Variants in NRXN3 observed in about 807,000 individuals in gnomAD.
The protein encoded by NRXN3 is neurexin III.
In NRXN3, 32 loss-of-function variants were observed where a neutral mutation model predicts 137.6. The ratio of observed to expected loss-of-function variants is 0.23; its 90% CI spans 0.18 to 0.31. NRXN3 has a LOEUF of 0.31. Among genes scored for constraint, NRXN3 ranks in the 10% least tolerant of loss-of-function variants. The probability of loss-of-function intolerance (pLI) is 1.00; values close to 1 mark genes in which losing one functional copy is unlikely to be tolerated. For synonymous variants in NRXN3, 798 were observed against 784.5 expected, an observed-to-expected ratio of 1.02 and a Z score of -0.29; for missense variants, 1,574 against 2,062.5, an observed-to-expected ratio of 0.76 and a Z score of 4.59.
At chr14:79,346,039 A>G (rs957030552) in intron 15 of NRXN3, among the ~76,000 whole-genome samples, 1 of 152,172 alleles carries the variant, frequency 6.6e-6, no homozygotes, top group Non-Finnish European at 1.5e-5. Context: ...AACCACAACT[A>G]TATTCCCCTA....
chr14:79,461,138 C>T (rs2096333110), intron 15 of NRXN3, among the ~76,000 whole-genome samples: 1 of 152,110 alleles, frequency 6.6e-6, no homozygotes, highest in Non-Finnish European at 1.5e-5. Flanking sequence ...TTCTCCCCTC[C>T]TTTTGGAGCT....
At chr14:79,404,379 A>T (rs2095268264) in intron 15 of NRXN3, among the ~76,000 whole-genome samples, 1 of 152,162 alleles carries the variant, frequency 6.6e-6, no homozygotes, top group Non-Finnish European at 1.5e-5. Context: ...GAATGGGTAA[A>T]TTATTTCTAC....
rs369855036 is a variant in NRXN3, at chr14:78,805,614, A to G, written c.2248+1791A>G. Among the ~76,000 whole-genome samples, 5 of 151,386 alleles carry G rather than the reference A, an allele frequency of 3.3e-5. No homozygotes were observed. In the East Asian group the frequency reaches 9.7e-4, roughly 29 times the overall value. ...AAAAAACAACAGAAAAAAAAAAAAA[A>G]CAGAACCAAATACAACCCCATAACT... On this transcript the variant is annotated intron_variant, in intron 9 of 20. Transcript: ENST00000335750.
Position 78,961,369 on chromosome 14 carries a change from C to G in NRXN3, c.2395+4008C>G, listed in dbSNP as rs71414771. 3.2e-3 allele frequency among the ~76,000 whole-genome samples: 480 copies of G among 152,154 alleles called. 1 individual carries two copies. Among genetic ancestry groups the G allele is most frequent in the Non-Finnish European group, 4.6e-3 (310 of 67,998 alleles). On this transcript the variant is annotated intron_variant, in intron 11 of 20. Coordinates refer to ENST00000335750, the MANE Select transcript of NRXN3 (RefSeq NM_001330195.2). ...ATGTCTCAAATACAAGCCCCTCCCCCCAGAAGTTAGGAATGCTGGCTGTGC... is the reference window on the plus strand; with the variant it reads ...ATGTCTCAAATACAAGCCCCTCCCCGCAGAAGTTAGGAATGCTGGCTGTGC...
Position 78,932,732 on chromosome 14 carries a change from T to C in NRXN3, c.2276-24510T>C, listed in dbSNP as rs1292769599. 2.0e-5 allele frequency among the ~76,000 whole-genome samples: 3 copies of C among 152,228 alleles called. 1 individual carries two copies. The highest frequency in any genetic ancestry group is 7.2e-5 in the African/African-American group (3 of 41,466). On this transcript the variant is annotated intron_variant, in intron 10 of 20. Coordinates refer to ENST00000335750, the MANE Select transcript of NRXN3 (RefSeq NM_001330195.2). The stretch of plus-strand genomic sequence containing the variant: ...GCATAGAATGCATGCCATTAATTCT[T>C]AGCCTTGAGGCATACCTTCTCAATA...
intron 15 of NRXN3, among the ~76,000 whole-genome samples, chr14:79,107,744 T>C (rs1028729600): frequency 2.0e-5 from 3 of 152,134 alleles, no homozygotes; most frequent in Non-Finnish European, 4.4e-5. Context: ...GCATCTACTT[T>C]CTTTTTGACT....
chr14:79,786,006 T>G (rs1402754415), intron 19 of NRXN3, among the ~76,000 whole-genome samples: 4 of 151,944 alleles, frequency 2.6e-5, no homozygotes, highest in African/African-American at 9.7e-5. Context: ...GTCCCCACCA[T>G]GAGGCAGAAT....
chr14:78,369,950 A>G (rs912214616), intron 4 of NRXN3, among the ~76,000 whole-genome samples: 4 of 137,734 alleles, frequency 2.9e-5, no homozygotes, highest in African/African-American at 5.4e-5. Flanking sequence ...AAAAAAAAAA[A>G]GATTAACCTT....
chr14:79,083,558 G>A (rs537826754), intron 15 of NRXN3, among the ~76,000 whole-genome samples: 5 of 152,326 alleles, frequency 3.3e-5, no homozygotes, highest in African/African-American at 4.8e-5. Flanking sequence ...TTGCTGGCAT[G>A]TGTGCAAGTG....
At chr14:79,097,800 A>G (rs2050613992) in intron 15 of NRXN3, among the ~76,000 whole-genome samples, 1 of 152,192 alleles carries the variant, frequency 6.6e-6, no homozygotes, top group South Asian at 2.1e-4. Flanking sequence ...ATAACTACCC[A>G]CAGTGCTGAT....
chr14:79,209,544 T>C (rs575762858), intron 15 of NRXN3, among the ~76,000 whole-genome samples: 1 of 152,288 alleles, frequency 6.6e-6, no homozygotes, highest in Admixed American at 6.5e-5. Flanking sequence ...CATGTTACCT[T>C]TGAGAGAAGT....
chr14:78,399,728 A>C (rs2091872883), intron 4 of NRXN3, among the ~76,000 whole-genome samples: 1 of 152,228 alleles, frequency 6.6e-6, no homozygotes, highest in East Asian at 1.9e-4. Context: ...TTTATTTGCT[A>C]TCCATTCTAG....
chr14:78,243,556 G>A lies in NRXN3; in HGVS notation c.463G>A (p.Asp155Asn), dbSNP rs771912641. Residue 155 changes from aspartate to asparagine, a missense_variant, in exon 2 of 21, where the codon GAC becomes AAC. By Grantham distance (23) the Asp-to-Asn change is conservative (BLOSUM62 1). Coordinates refer to ENST00000335750, the MANE Select transcript of NRXN3 (RefSeq NM_001330195.2). This position sits in a 1 kb window ranked among gnomAD's most constrained non-coding sequence, Gnocchi z 4.2. ...SDLFLGGVPT[D>N]IRPSALTLDG... Reference sequence around the variant, plus strand: ...CTTGTTCCTTGGTGGAGTCCCTACTGACATACGACCTTCTGCCCTGACCCT... The same window carrying A: ...CTTGTTCCTTGGTGGAGTCCCTACTAACATACGACCTTCTGCCCTGACCCT... The A allele has an allele frequency of 6.3e-7, 1 of 1,598,168 alleles. No individual in the cohort carries two copies. The highest frequency in any genetic ancestry group is 1.1e-5 in the South Asian group (1 of 91,030).
chr14:78,474,130 G>T (rs970381742), intron 4 of NRXN3, among the ~76,000 whole-genome samples: 3 of 152,100 alleles, frequency 2.0e-5, no homozygotes, highest in Non-Finnish European at 2.9e-5. Flanking sequence ...TAATATTAGT[G>T]GTCCTCTGAA....
At chr14:78,888,703 A>T (rs540957162) in intron 10 of NRXN3, among the ~76,000 whole-genome samples, 1 of 152,128 alleles carries the variant, frequency 6.6e-6, no homozygotes, top group Non-Finnish European at 1.5e-5. Flanking sequence ...TGTGAAGAAA[A>T]TTCAATTTTT....
At chr14:79,783,755 C>T (rs1174937719) in intron 19 of NRXN3, among the ~76,000 whole-genome samples, 1 of 152,134 alleles carries the variant, frequency 6.6e-6, no homozygotes, top group Non-Finnish European at 1.5e-5. Flanking sequence ...CACACATTGT[C>T]TGTGCTTTGT....
In NRXN3 at chr14:79,549,816, C is replaced by A. The variant is rs148785947; in HGVS notation, c.3444+82414C>A. Among the ~76,000 whole-genome samples the A allele has an allele frequency of 6.2e-3, 941 of 152,190 alleles. 11 individuals carry two copies. The highest frequency in any genetic ancestry group is 0.037 in the Middle Eastern group (11 of 294). On this transcript the variant is annotated intron_variant, in intron 16 of 20. Coordinates refer to ENST00000335750, the MANE Select transcript of NRXN3 (RefSeq NM_001330195.2). ...CAGCAAATCCCCAAATTCTATTGAG[C>A]CACATCTGTCTACCGAGGGGCTCTG...
At chr14:79,652,475 C>T (rs1489329326) in intron 16 of NRXN3, among the ~76,000 whole-genome samples, 2 of 152,126 alleles carry the variant, frequency 1.3e-5, no homozygotes, top group Admixed American at 6.6e-5. Context: ...GGAACAATGA[C>T]CTCATGCTGT....
intron 5 of NRXN3, among the ~76,000 whole-genome samples, chr14:78,647,570 A>G (rs943781418): frequency 1.3e-5 from 2 of 152,222 alleles, no homozygotes; most frequent in East Asian, 1.9e-4. Flanking sequence ...GCTAAGTGCA[A>G]TTCTCTGTTC....
Sources: allele counts gnomAD v4.1 joint callset (sites outside exome capture counted in the v4.1 genomes callset), GRCh38; gene constraint gnomAD v4.1.1; non-coding constraint Gnocchi (gnomAD v3.1); transcripts MANE v1.5; gene names NCBI Gene and HGNC (gene_info 2026-07-23, HGNC 2026-07-21).